DNM2: variants seen among roughly 807,000 people sequenced by gnomAD.
DNM2 encodes the protein dynamin 2, also known as dynamin-2.
Under a neutral mutation model 99.0 loss-of-function variants are expected in DNM2, and 15 were observed. The observed-to-expected ratio is 0.15, with a 90% CI of 0.10 to 0.23. DNM2 has a LOEUF of 0.23. DNM2 is among the 10% of genes least tolerant of loss of function. The pLI is 1.00. For missense variants in DNM2, 742 were observed against 1,189.4 expected (o/e 0.62, Z 5.53); for synonymous variants, 525 against 481.2 (o/e 1.09, Z -1.19).
At chr19:10,750,705 T>C (rs2116970) in intron 1 of DNM2, among the ~76,000 whole-genome samples, 115,165 of 151,798 alleles carry the variant, frequency 0.76, 44,377 homozygotes, top group African/African-American at 0.89. Context: ...CTGAGGCAGG[T>C]GGATCACCTG....
intron 7 of DNM2, among the ~76,000 whole-genome samples, chr19:10,792,200 G>A (rs1333971680): frequency 1.3e-5 from 2 of 152,238 alleles, no homozygotes; most frequent in African/African-American, 2.4e-5. Flanking sequence ...CTTCATGTGA[G>A]GAAAGAGATT....
intron 1 of DNM2, chr19:10,755,212 A>G (rs1782432911): frequency 6.6e-6 from 1 of 152,378 alleles, no homozygotes; most frequent in East Asian, 1.9e-4. Flanking sequence ...ACTGTAGTCC[A>G]TCAGTGCAAT....
intron 1 of DNM2, among the ~76,000 whole-genome samples, chr19:10,756,543 G>A (rs10775614): frequency 0.73 from 111,611 of 152,154 alleles, 41,660 homozygotes; most frequent in African/African-American, 0.86. Context: ...ACTGGGGCAC[G>A]TGGCGTGACA....
chr19:10,751,386 C>A (rs2070187900), intron 1 of DNM2, among the ~76,000 whole-genome samples: 1 of 152,100 alleles, frequency 6.6e-6, no homozygotes, highest in Non-Finnish European at 1.5e-5. Context: ...TCAGTACTCT[C>A]AGAATGCGGA....
chr19:10,831,232 A>G lies in DNM2; in HGVS notation c.*185A>G. On this transcript the variant is annotated 3_prime_UTR_variant, in exon 21 of 21. Transcript: ENST00000389253. The surrounding 1 kb of genome is among the most constrained non-coding windows in gnomAD (Gnocchi z 4.3). ...TGCCTGGCTGGACACCGCACTGCGCAAAGGGGCCCTGGAGCTCCAGGCAGG... is the reference window on the plus strand; with the variant it reads ...TGCCTGGCTGGACACCGCACTGCGCGAAGGGGCCCTGGAGCTCCAGGCAGG... 1.5e-6 allele frequency: 2 copies of G among 1,344,110 alleles called. No individual in the cohort carries two copies. The highest frequency in any genetic ancestry group is 1.9e-6 in the Non-Finnish European group (2 of 1,052,130). 83.3% of individuals were successfully genotyped at this position (1,344,110 alleles called of 1,614,324 possible).
chr19:10,764,120 C>T lies in DNM2; in HGVS notation c.235+4309C>T, dbSNP rs1040542684. ...GCCTTGTGGGGTATACACCAGACCA[C>T]GTGGCTCCTAGGGATTGGCAGCTGG... On this transcript the variant is annotated intron_variant, in intron 2 of 20. Transcript: ENST00000389253. The surrounding 1 kb of genome is among the most constrained non-coding windows in gnomAD (Gnocchi z 4.1). Among the ~76,000 whole-genome samples the T allele has an allele frequency of 3.3e-5, 5 of 152,172 alleles. No individual in the cohort carries two copies. Among genetic ancestry groups the T allele is most frequent in the African/African-American group, 4.8e-5 (2 of 41,428 alleles).
intron 1 of DNM2, among the ~76,000 whole-genome samples, chr19:10,758,158 G>A (rs1426618759): frequency 3.3e-5 from 5 of 152,024 alleles, no homozygotes; most frequent in Non-Finnish European, 7.4e-5. Context: ...TGTATTCACT[G>A]TAAGTCGGAG....
chr19:10,788,915 C>T (rs548368389), intron 7 of DNM2, among the ~76,000 whole-genome samples: 1 of 152,356 alleles, frequency 6.6e-6, no homozygotes, highest in East Asian at 1.9e-4. Context: ...CCCCCCACCC[C>T]CTCTGCCAGG....
At chr19:10,752,917 G>A (rs563694108) in intron 1 of DNM2, among the ~76,000 whole-genome samples, 1 of 152,174 alleles carries the variant, frequency 6.6e-6, no homozygotes, top group East Asian at 1.9e-4. Context: ...TTGCACTCCA[G>A]CCTGGGTGAC....
intron 8 of DNM2, 147 bp downstream of exon 8, chr19:10,794,002 T>G: frequency 7.7e-7 from 1 of 1,292,626 alleles, no homozygotes; most frequent in Non-Finnish European, 1.1e-6. Context: ...CTGGATGAGG[T>G]GTCCCCATGG....
At chr19:10,813,145 C>T (rs1468257850) in intron 15 of DNM2, among the ~76,000 whole-genome samples, 2 of 152,174 alleles carry the variant, frequency 1.3e-5, no homozygotes, top group African/African-American at 4.8e-5. Context: ...GCCCACTGTG[C>T]GGTGCTTGGC....
At position 10,793,870 on chromosome 19, in the gene DNM2, G is replaced by C; in HGVS notation, c.1128+15G>C. 1 of 1,614,058 alleles carries C rather than the reference G, an allele frequency of 6.2e-7. No individual in the cohort carries two copies. Among genetic ancestry groups the C allele is most frequent in the Non-Finnish European group, 8.5e-7 (1 of 1,180,002 alleles). On this transcript the variant is annotated intron_variant, in intron 8 of 20. Coordinates refer to ENST00000389253, the MANE Select transcript of DNM2 (RefSeq NM_001005361.3). ...AGCTGGTGAAGGTAGTGCCCCCCGG[G>C]GCTGGGCCCTCCCGTCTCTGGTCAG...
rs565381180 is a variant in DNM2, at chr19:10,787,161, C to G, written c.992+455C>G. ...CCAGCCTGATCAACATGGTGAAACC[C>G]CGTCTCTACTGAAATTGCAAAATTA... On this transcript the variant is annotated intron_variant, in intron 7 of 20. Coordinates refer to ENST00000389253, the MANE Select transcript of DNM2 (RefSeq NM_001005361.3). Among the ~76,000 whole-genome samples, 517 of 151,836 alleles carry G rather than the reference C, an allele frequency of 3.4e-3. 2 individuals carry two copies. The highest frequency in any genetic ancestry group is 0.012 in the African/African-American group (501 of 41,424).
At chr19:10,804,072 A>G (rs1410380674) in intron 12 of DNM2, among the ~76,000 whole-genome samples, 1 of 152,074 alleles carries the variant, frequency 6.6e-6, no homozygotes, top group Non-Finnish European at 1.5e-5. Context: ...GAGGTAAGAG[A>G]GCCAGCGGCC....
intron 1 of DNM2, among the ~76,000 whole-genome samples, chr19:10,727,967 A>C (rs939730969): frequency 1.3e-5 from 2 of 152,240 alleles, no homozygotes; most frequent in Admixed American, 1.3e-4. Context: ...ATAGGGCATT[A>C]GCTACAATCT....
At chr19:10,719,003 A>C (rs534640354) in intron 1 of DNM2, among the ~76,000 whole-genome samples, 2 of 152,204 alleles carry the variant, frequency 1.3e-5, no homozygotes, top group African/African-American at 4.8e-5. Flanking sequence ...CACAGACTTT[A>C]ACACTGAGCA....
intron 1 of DNM2, among the ~76,000 whole-genome samples, chr19:10,750,959 T>C (rs559933302): frequency 6.6e-6 from 1 of 151,644 alleles, no homozygotes; most frequent in Non-Finnish European, 1.5e-5. Flanking sequence ...CCAGCCCTAC[T>C]CTATGCTTTG....
At chr19:10,762,801 C>T (rs975018279) in intron 2 of DNM2, among the ~76,000 whole-genome samples, 9 of 152,086 alleles carry the variant, frequency 5.9e-5, no homozygotes, top group African/African-American at 2.2e-4. Context: ...TGACCAGATC[C>T]TGTGGCTGTT....
chr19:10,819,755 C>T (rs1249023409), intron 15 of DNM2, among the ~76,000 whole-genome samples: 1 of 152,170 alleles, frequency 6.6e-6, no homozygotes, highest in African/African-American at 2.4e-5. Flanking sequence ...TCCGAAGGCC[C>T]TGGGGTAGGA....
Sources: gnomAD v4.1 joint callset for allele counts (sites outside exome capture counted in the v4.1 genomes callset) on GRCh38, gnomAD v4.1.1 for gene constraint, Gnocchi (gnomAD v3.1) non-coding constraint, MANE v1.5 for transcripts, NCBI Gene and HGNC (gene_info 2026-07-23, HGNC 2026-07-21) for gene names.